AMZ1: variants seen among roughly 807,000 people sequenced by gnomAD.
AMZ1 encodes the protein archaemetzincin-1.
In AMZ1, 39 loss-of-function variants were observed where a neutral mutation model predicts 29.9. That is an observed-to-expected ratio of 1.30 (90% CI 1.01 to 1.70). The LOEUF is 1.70. AMZ1 is among the 40% of genes most tolerant of loss of function. AMZ1 has a pLI of 0.00. For missense variants in AMZ1, 1,041 were observed against 680.6 expected, an observed-to-expected ratio of 1.53 and a Z score of -5.89; for synonymous variants, 458 against 304.0, an observed-to-expected ratio of 1.51 and a Z score of -5.27.
chr7:2,735,801 T>A (rs1025991164), intron 4 of AMZ1, among the ~76,000 whole-genome samples: 1 of 152,122 alleles, frequency 6.6e-6, no homozygotes, highest in Admixed American at 6.5e-5. Context: ...CGGCCTCATC[T>A]CGAGAAACAG....
chr7:2,723,038 TA>T (rs562571894), downstream of AMZ1, among the ~76,000 whole-genome samples: 6 of 151,216 alleles, frequency 4.0e-5, no homozygotes, highest in South Asian at 2.1e-4. Context: ...GTTCACTGTG[TA>T]AAAAAAAAGT....
At chr7:2,708,978 T>G (rs1307045176) in intron 4 of AMZ1, 97 bp from the exon 5 acceptor site, 2 of 1,423,750 alleles carry the variant, frequency 1.4e-6, no homozygotes, top group African/African-American at 2.9e-5. Context: ...CTTTGGGCCA[T>G]GGCCAGCTTG....
At chr7:2,682,357 C>T (rs1045057304) in intron 1 of AMZ1, among the ~76,000 whole-genome samples, 1 of 152,176 alleles carries the variant, frequency 6.6e-6, no homozygotes, top group Non-Finnish European at 1.5e-5. Flanking sequence ...ACCGGGTGGG[C>T]CCCCAGCACA....
chr7:2,761,236 G>A (rs1415256042), upstream of AMZ1, among the ~76,000 whole-genome samples: 3 of 151,948 alleles, frequency 2.0e-5, no homozygotes, highest in Non-Finnish European at 4.4e-5. Flanking sequence ...GCTACCTCCC[G>A]GCCGTGGATG....
At chr7:2,744,983 G>C (rs1013776193) in intron 4 of AMZ1, among the ~76,000 whole-genome samples, 1 of 152,162 alleles carries the variant, frequency 6.6e-6, no homozygotes, top group African/African-American at 2.4e-5. Flanking sequence ...AGAATAAAAA[G>C]AAACGAACAA....
Position 2,700,242 on chromosome 7 carries a change from G to C in AMZ1, c.-210G>C, listed in dbSNP as rs924389004. The C allele has an allele frequency of 1.7e-6, 1 of 605,302 alleles. No homozygotes were observed. Among genetic ancestry groups the C allele is most frequent in the Non-Finnish European group, 2.9e-6 (1 of 345,694 alleles). 37.5% of individuals were successfully genotyped at this position (605,302 alleles called of 1,614,324 possible). A position where few individuals can be genotyped will look rare whatever the true frequency, so the allele number is the denominator to read the frequency against. On this transcript the variant is annotated 5_prime_UTR_variant, in exon 2 of 7. Transcript: ENST00000683327. ...GTTCGTGTCATCCACAGGGTGCTGT[G>C]GGCCCAGAAGCGCCCATGCCTGAGA...
At chr7:2,748,319 C>T (rs1445097569) in intron 4 of AMZ1, among the ~76,000 whole-genome samples, 5 of 152,116 alleles carry the variant, frequency 3.3e-5, no homozygotes, top group Admixed American at 3.3e-4. Context: ...GACACATAGA[C>T]CAATGGAACA....
chr7:2,757,302 T>G (rs1225013127), intron 4 of AMZ1, among the ~76,000 whole-genome samples: 1 of 151,632 alleles, frequency 6.6e-6, no homozygotes, highest in Admixed American at 6.6e-5. Flanking sequence ...GCCCGGCTAA[T>G]TTTTTGTAGT....
chr7:2,723,255 C>T (rs1011387363), downstream of AMZ1, among the ~76,000 whole-genome samples: 6 of 152,226 alleles, frequency 3.9e-5, no homozygotes, highest in East Asian at 1.9e-4. Flanking sequence ...CTGTCACCCA[C>T]AGCTAAGTCA....
chr7:2,692,266 C>G (rs774360909), intron 1 of AMZ1, among the ~76,000 whole-genome samples: 3 of 152,110 alleles, frequency 2.0e-5, no homozygotes, highest in Middle Eastern at 6.8e-3. Context: ...CTTGGCCGGG[C>G]GTGGTGGCTC....
Position 2,712,463 on chromosome 7 carries a change from G to GCACCAGTGTGTCGGAGCCCCT in AMZ1, c.1087_1107dup (p.Ser363_Thr369dup), listed in dbSNP as rs755846027. 1 of 1,610,786 alleles carries GCACCAGTGTGTCGGAGCCCCT rather than the reference G, an allele frequency of 6.2e-7. No individual in the cohort carries two copies. Among genetic ancestry groups the GCACCAGTGTGTCGGAGCCCCT allele is most frequent in the East Asian group, 2.2e-5 (1 of 44,866 alleles). ...TGCTGTGAGAGTGACTCGGAGCCCG[G>GCACCAGTGTGTCGGAGCCCCT]CACCAGTGTGTCGGAGCCCCTCACC... is the stretch of plus-strand genomic sequence containing the variant. On this transcript the variant is annotated inframe_insertion, in exon 7 of 7. Coordinates refer to ENST00000683327, the MANE Select transcript of AMZ1 (RefSeq NM_001384743.1).
intron 4 of AMZ1, among the ~76,000 whole-genome samples, chr7:2,756,298 T>C (rs1213943825): frequency 2.6e-5 from 4 of 152,144 alleles, no homozygotes; most frequent in Non-Finnish European, 5.9e-5. Context: ...AAAAAGGACA[T>C]TGATTCTAAC....
Position 2,709,631 on chromosome 7 carries a change from T to G in AMZ1, c.772-9T>G, listed in dbSNP as rs1271105536. On this transcript the variant is annotated splice_polypyrimidine_tract_variant and intron_variant, in intron 5 of 6. Coordinates refer to ENST00000683327, the MANE Select transcript of AMZ1 (RefSeq NM_001384743.1). ...AGTGAGGCAAGGTGCTTGGTGGCCT[T>G]CCCCCCAGGTCACGTGCCACGAGCT... is the stretch of plus-strand genomic sequence containing the variant. 1 of 1,604,394 alleles carries G rather than the reference T, an allele frequency of 6.2e-7. No homozygotes were observed. The highest frequency in any genetic ancestry group is 8.5e-7 in the Non-Finnish European group (1 of 1,176,208).
intron 4 of AMZ1, among the ~76,000 whole-genome samples, chr7:2,738,307 C>G (rs897804726): frequency 6.6e-6 from 1 of 151,326 alleles, no homozygotes; most frequent in African/African-American, 2.4e-5. Context: ...AATTAGGTAA[C>G]AGATTCACTG....
At chr7:2,748,176 A>C (rs1790859316) in intron 4 of AMZ1, among the ~76,000 whole-genome samples, 1 of 150,970 alleles carries the variant, frequency 6.6e-6, no homozygotes, top group South Asian at 2.1e-4. Context: ...GTTCATATGG[A>C]ACCAAAAAAG....
At chr7:2,758,875 T>C (rs778780462) in intron 4 of AMZ1, among the ~76,000 whole-genome samples, 1 of 152,188 alleles carries the variant, frequency 6.6e-6, no homozygotes, top group African/African-American at 2.4e-5. Context: ...CTGGGCGCGG[T>C]GGCTCATGCC....
Position 2,709,438 on chromosome 7 carries a change from T to TGGCGTCCCCAG in AMZ1, c.771+197_771+198insGTCCCCAGGGC, listed in dbSNP as rs142816481. On this transcript the variant is annotated intron_variant, in intron 5 of 6. Transcript: ENST00000683327. ...TAGAGCCCCAAGCCCCTATCCTGTG[T>TGGCGTCCCCAG]GGCCTCCCACCCTGACTCACCTTTC... Among the ~76,000 whole-genome samples the TGGCGTCCCCAG allele has an allele frequency of 2.4e-3, 362 of 151,840 alleles. 1 individual carries two copies. Among genetic ancestry groups the TGGCGTCCCCAG allele is most frequent in the African/African-American group, 8.4e-3 (347 of 41,488 alleles).
downstream of AMZ1, among the ~76,000 whole-genome samples, chr7:2,722,795 A>C (rs1019967660): frequency 5.3e-5 from 8 of 152,088 alleles, no homozygotes; most frequent in Non-Finnish European, 1.0e-4. Flanking sequence ...CAACACAGTG[A>C]GACTCCATCT....
Position 2,716,329 on chromosome 7 carries a change from G to T in AMZ1, c.*3451G>T, listed in dbSNP as rs118140750. On this transcript the variant is annotated 3_prime_UTR_variant, in exon 7 of 7. Coordinates refer to ENST00000683327, the MANE Select transcript of AMZ1 (RefSeq NM_001384743.1). The stretch of plus-strand genomic sequence containing the variant: ...AAAAGCCCAAACTCATTGTCAGAGT[G>T]GGGAGAGGGGAGAAGCAGCATCCTG... 3,379 of 152,318 alleles carry T rather than the reference G, an allele frequency of 0.022. 48 individuals carry two copies. The highest frequency in any genetic ancestry group is 0.034 in the Non-Finnish European group (2,312 of 68,038). 9.4% of individuals were successfully genotyped at this position (152,318 alleles called of 1,614,324 possible).
Sources: allele counts gnomAD v4.1 joint callset (sites outside exome capture counted in the v4.1 genomes callset), GRCh38; gene constraint gnomAD v4.1.1; transcripts MANE v1.5; gene names NCBI Gene and HGNC (gene_info 2026-07-23, HGNC 2026-07-21).